Variants in GNB1L observed in about 807,000 individuals in gnomAD.
GNB1L encodes G protein subunit beta 1 like, also known as guanine nucleotide-binding protein subunit beta-like protein 1.
A neutral mutation model predicts 29.1 loss-of-function variants in GNB1L; 20 were observed. The ratio of observed to expected loss-of-function variants is 0.69; its 90% CI spans 0.48 to 1.00. The LOEUF (loss-of-function observed/expected upper bound fraction) is 1.00, where lower values mean the gene tolerates loss of function less well. GNB1L is among the 50% of genes least tolerant of loss of function. The probability of loss-of-function intolerance (pLI) is 0.00; values close to 1 mark genes in which losing one functional copy is unlikely to be tolerated. For missense variants in GNB1L, 421 were observed against 464.9 expected, an observed-to-expected ratio of 0.91 and a Z score of 0.87; for synonymous variants, 193 against 206.5, an observed-to-expected ratio of 0.93 and a Z score of 0.56.
At position 19,816,586 on chromosome 22, in the gene GNB1L, T is replaced by C. The variant is rs932611101; in HGVS notation, c.254+4012A>G. On this transcript the variant is annotated intron_variant, in intron 4 of 7. Transcript: ENST00000329517. This position sits in a 1 kb window ranked among gnomAD's most constrained non-coding sequence, Gnocchi z 4.4. ...GCACACGGGCTAGGGAACACACACA[T>C]GCCTCACATGCATGCACACAACACA... Among the ~76,000 whole-genome samples, 1 of 152,000 alleles carries C rather than the reference T, an allele frequency of 6.6e-6. No individual in the cohort carries two copies. Among genetic ancestry groups the C allele is most frequent in the Non-Finnish European group, 1.5e-5 (1 of 67,978 alleles).
At chr22:19,791,163 T>C (rs1210119750) in intron 7 of GNB1L, among the ~76,000 whole-genome samples, 1 of 152,138 alleles carries the variant, frequency 6.6e-6, no homozygotes, top group African/African-American at 2.4e-5. Context: ...AGCCCAGGAG[T>C]TTGAGGCTGC....
intron 2 of GNB1L, chr22:19,851,148 G>A (rs372902676): frequency 1.3e-6 from 2 of 1,571,412 alleles, no homozygotes; most frequent in Non-Finnish European, 1.7e-6. Context: ...GGGCAGCATT[G>A]TTCCCACCTG....
intron 4 of GNB1L, among the ~76,000 whole-genome samples, chr22:19,819,827 G>A (rs900734941): frequency 6.6e-6 from 1 of 152,128 alleles, no homozygotes; most frequent in Non-Finnish European, 1.5e-5. Context: ...ACTGCAGGGG[G>A]GACCAGGTGG....
At chr22:19,802,935 G>A (rs1488638353) in intron 6 of GNB1L, among the ~76,000 whole-genome samples, 1 of 152,228 alleles carries the variant, frequency 6.6e-6, no homozygotes, top group Non-Finnish European at 1.5e-5. Context: ...ATCACCCTGG[G>A]GACACAGCCG....
chr22:19,802,341 G>A lies in GNB1L; in HGVS notation c.517-125C>T, dbSNP rs538631985. 18 of 728,422 alleles carry A rather than the reference G, an allele frequency of 2.5e-5. 1 individual carries two copies. The highest frequency in any genetic ancestry group is 2.5e-4 in the South Asian group (14 of 57,128). The allele number at this position is 728,422 out of a possible 1,614,324, so 45.1% of individuals were successfully genotyped here. A position where few individuals can be genotyped will look rare whatever the true frequency, so the allele number is the denominator to read the frequency against. ...TGGGGCTGTTTCCCATGTCTTCCAC[G>A]TGGCTGCCACAGCTCAGAAGCTCTG... is the stretch of plus-strand genomic sequence containing the variant. On this transcript the variant is annotated intron_variant, in intron 6 of 7. Coordinates refer to ENST00000329517, the MANE Select transcript of GNB1L (RefSeq NM_053004.3).
intron 2 of GNB1L, chr22:19,851,717 G>T: frequency 6.2e-7 from 1 of 1,603,536 alleles, no homozygotes; most frequent in Non-Finnish European, 8.5e-7. Context: ...AAAACTGTTC[G>T]GGTCTTGAAC....
intron 2 of GNB1L, among the ~76,000 whole-genome samples, chr22:19,830,690 G>GAT (rs1167577092): frequency 6.6e-6 from 1 of 152,136 alleles, no homozygotes; most frequent in Non-Finnish European, 1.5e-5. Flanking sequence ...TAGAGAAGTT[G>GAT]ATATTAACAC....
rs564255130 is a variant in GNB1L at position 19,812,169 on chromosome 22, G to A, written c.417+116C>T. On this transcript the variant is annotated intron_variant, in intron 5 of 7. Coordinates refer to ENST00000329517, the MANE Select transcript of GNB1L (RefSeq NM_053004.3). Reference sequence around the variant, plus strand: ...ATCAGCCCCGGCTGCTGAAGCTGCCGGCAGGTGGGCGGCTCCATGGAGTCC... The same window carrying A: ...ATCAGCCCCGGCTGCTGAAGCTGCCAGCAGGTGGGCGGCTCCATGGAGTCC... 268 of 1,107,248 alleles carry A rather than the reference G, an allele frequency of 2.4e-4. 3 individuals are homozygous for A. The Middle Eastern group carries it at 2.9e-3, about 12-fold the overall frequency. The allele number at this position is 1,107,248 out of a possible 1,614,324, so 68.6% of individuals were successfully genotyped here.
chr22:19,806,843 C>A (rs737860), intron 5 of GNB1L, 86 bp from the exon 6 acceptor site: 970,498 of 970,558 alleles, frequency 1, 485,219 homozygotes, highest in Middle Eastern at 1. Flanking sequence ...GCGATTAGCC[C>A]GGGCTGCTGT....
chr22:19,831,867 T>C (rs1937685392), intron 2 of GNB1L, among the ~76,000 whole-genome samples: 2 of 151,928 alleles, frequency 1.3e-5, no homozygotes, highest in Non-Finnish European at 2.9e-5. Flanking sequence ...GAAAAAGCTA[T>C]GAAAATGCCC....
chr22:19,843,284 G>A (rs1569054776), intron 2 of GNB1L, among the ~76,000 whole-genome samples: 1 of 152,254 alleles, frequency 6.6e-6, no homozygotes, highest in Non-Finnish European at 1.5e-5. Context: ...TCAACGCCCC[G>A]ACTGGCGACC....
intron 5 of GNB1L, among the ~76,000 whole-genome samples, chr22:19,811,748 C>T (rs1017083203): frequency 6.6e-6 from 1 of 152,142 alleles, no homozygotes; most frequent in Non-Finnish European, 1.5e-5. Context: ...TGATCACCAC[C>T]TTGTGCCTGC....
At chr22:19,821,659 C>T (rs1937580448) in intron 2 of GNB1L, among the ~76,000 whole-genome samples, 1 of 152,210 alleles carries the variant, frequency 6.6e-6, no homozygotes, top group African/African-American at 2.4e-5. Context: ...GCCCTCCTCG[C>T]ACCGTGCCTG....
rs1182932374 is a variant in GNB1L, at chr22:19,786,846, A to T, written c.*1863T>A. The T allele has an allele frequency of 6.6e-6, 1 of 152,312 alleles. No homozygotes were observed. Among genetic ancestry groups the T allele is most frequent in the Non-Finnish European group, 1.5e-5 (1 of 68,114 alleles). 9.4% of individuals were successfully genotyped at this position (152,312 alleles called of 1,614,324 possible). A position where few individuals can be genotyped will look rare whatever the true frequency, so the allele number is the denominator to read the frequency against. On this transcript the variant is annotated 3_prime_UTR_variant, in exon 8 of 8. Transcript: ENST00000329517. ...CCTTCCCCTCCCTGACACCTCAGTGATATGAAAATACCTCCCGGAGTGCCC... is the reference window on the plus strand; with the variant it reads ...CCTTCCCCTCCCTGACACCTCAGTGTTATGAAAATACCTCCCGGAGTGCCC...
intron 2 of GNB1L, 58 bp from the exon 3 acceptor site, chr22:19,821,433 G>A: frequency 2.0e-6 from 3 of 1,518,676 alleles, no homozygotes; most frequent in East Asian, 2.3e-5. Context: ...CCTCTAGGAA[G>A]GCTGCTCAGG....
intron 2 of GNB1L, among the ~76,000 whole-genome samples, chr22:19,853,231 A>C (rs532653007): frequency 8.9e-4 from 133 of 149,944 alleles, no homozygotes; most frequent in Non-Finnish European, 1.6e-3. Flanking sequence ...CCCAGCCCCC[A>C]CCATTGTAAA....
intron 2 of GNB1L, among the ~76,000 whole-genome samples, chr22:19,853,720 G>C (rs994722304): frequency 7.0e-6 from 1 of 143,560 alleles, no homozygotes; most frequent in Non-Finnish European, 1.5e-5. Context: ...CCCCCCTCTG[G>C]GGGGGGGGTC....
intron 5 of GNB1L, among the ~76,000 whole-genome samples, chr22:19,810,244 C>T (rs917688134): frequency 2.0e-5 from 3 of 152,156 alleles, no homozygotes; most frequent in Non-Finnish European, 4.4e-5. Context: ...ACTGGCTACA[C>T]AGCCTACACG....
intron 2 of GNB1L, among the ~76,000 whole-genome samples, chr22:19,843,434 G>C (rs57188415): frequency 0.069 from 10,452 of 152,336 alleles, 1,161 homozygotes; most frequent in African/African-American, 0.24. Flanking sequence ...CCAGCAGCCC[G>C]ATGGCGAGGG....
Sources: allele counts gnomAD v4.1 joint callset (sites outside exome capture counted in the v4.1 genomes callset), GRCh38; gene constraint gnomAD v4.1.1; non-coding constraint Gnocchi (gnomAD v3.1); transcripts MANE v1.5; gene names NCBI Gene and HGNC (gene_info 2026-07-23, HGNC 2026-07-21).